The following PUS7 variants were observed in gnomAD, a reference collection of about 807,000 sequenced individuals.
PUS7 encodes pseudouridylate synthase 7 homolog.
A neutral mutation model predicts 79.8 loss-of-function variants in PUS7; 48 were observed. The observed-to-expected ratio is 0.60, with a 90% CI of 0.48 to 0.76. The LOEUF (loss-of-function observed/expected upper bound fraction) is 0.76, where lower values mean the gene tolerates loss of function less well. Ranked by LOEUF, PUS7 falls within the 30% of genes least tolerant of loss-of-function variation. The probability of loss-of-function intolerance (pLI) is 0.00; values close to 1 mark genes in which losing one functional copy is unlikely to be tolerated. For missense variants in PUS7, 729 were observed against 797.6 expected, an observed-to-expected ratio of 0.91 and a Z score of 1.04; for synonymous variants, 286 against 272.2, an observed-to-expected ratio of 1.05 and a Z score of -0.50.
intron 14 of PUS7, among the ~76,000 whole-genome samples, chr7:105,461,932 C>T (rs1289683399): frequency 6.6e-6 from 1 of 152,002 alleles, no homozygotes; most frequent in Non-Finnish European, 1.5e-5. Flanking sequence ...AATCCCAATA[C>T]TTTGGGAGGC....
chr7:105,486,595 G>A (rs1159638025), intron 7 of PUS7, among the ~76,000 whole-genome samples: 1 of 152,124 alleles, frequency 6.6e-6, no homozygotes, highest in Admixed American at 6.6e-5. Flanking sequence ...AGGAACGGGG[G>A]ACAAAACTCC....
At chr7:105,482,127 G>C (rs1442150854) in intron 8 of PUS7, among the ~76,000 whole-genome samples, 185 bp downstream of exon 8, 1 of 152,198 alleles carries the variant, frequency 6.6e-6, no homozygotes, top group African/African-American at 2.4e-5. Flanking sequence ...AAATCCTACA[G>C]AGGTATTTGC....
At chr7:105,476,078 G>A (rs1031280754) in intron 9 of PUS7, among the ~76,000 whole-genome samples, 1 of 147,970 alleles carries the variant, frequency 6.8e-6, no homozygotes, top group African/African-American at 2.5e-5. Flanking sequence ...GGGCTGAGAT[G>A]GCGCCACTGC....
chr7:105,521,132 A>G (rs773077929), intron 1 of PUS7, among the ~76,000 whole-genome samples: 1 of 132,094 alleles, frequency 7.6e-6, no homozygotes, highest in Non-Finnish European at 1.8e-5. Flanking sequence ...CCCCTTTTCA[A>G]TAGTGTTGTA....
intron 5 of PUS7, among the ~76,000 whole-genome samples, chr7:105,496,798 T>G (rs1825054424): frequency 1.3e-5 from 2 of 152,172 alleles, no homozygotes; most frequent in South Asian, 4.1e-4. Context: ...TTGGTGTGAA[T>G]TCCTCACAAG....
At chr7:105,500,913 G>T (rs1361860341) in intron 5 of PUS7, among the ~76,000 whole-genome samples, 2 of 152,174 alleles carry the variant, frequency 1.3e-5, no homozygotes, top group Non-Finnish European at 2.9e-5. Flanking sequence ...TTCGTTTGTG[G>T]AGTAAAAAGT....
chr7:105,464,813 CTTTTT>C (rs71152985), intron 13 of PUS7, among the ~76,000 whole-genome samples: 1 of 95,230 alleles, frequency 1.1e-5, no homozygotes, highest in African/African-American at 3.7e-5. Flanking sequence ...CCCCTCTTCC[CTTTTT>C]TTTTTTTTTT....
At chr7:105,458,252 A>G (rs1018820349) in intron 15 of PUS7, among the ~76,000 whole-genome samples, 2 of 152,132 alleles carry the variant, frequency 1.3e-5, no homozygotes, top group African/African-American at 4.8e-5. Context: ...GAGAATGCCA[A>G]TTTAATTAAT....
chr7:105,508,486 C>A lies in PUS7; in HGVS notation c.27G>T (p.Val9=). Residue 9 remains valine (V), a synonymous_variant, in exon 2 of 16, where the codon GTG becomes GTT. Coordinates refer to ENST00000469408, the MANE Select transcript of PUS7 (RefSeq NM_019042.5). The part of the protein sequence containing the change: MEMTEMTG[V]SLKRGALVVE... The stretch of plus-strand genomic sequence containing the variant: ...CAACCAGTGCCCCACGTTTCAGCGA[C>A]ACACCAGTCATTTCTGTCATCTCCA... 6.2e-7 allele frequency: 1 copy of A among 1,613,522 alleles called. No individual in the cohort carries two copies. The highest frequency in any genetic ancestry group is 1.7e-5 in the Admixed American group (1 of 59,910).
intron 11 of PUS7, 122 bp downstream of exon 11, chr7:105,470,566 G>GATC (rs1823831410): frequency 8.4e-7 from 1 of 1,191,122 alleles, no homozygotes. Flanking sequence ...ACACCTCAGA[G>GATC]ATCACCAAAG....
At chr7:105,501,037 A>G (rs1327148160) in intron 5 of PUS7, among the ~76,000 whole-genome samples, 1 of 152,138 alleles carries the variant, frequency 6.6e-6, no homozygotes, top group Admixed American at 6.5e-5. Flanking sequence ...CTGCTCAGGT[A>G]TCTCATCTCT....
At chr7:105,507,990 C>G in intron 2 of PUS7, 125 bp downstream of exon 2, 2 of 1,281,374 alleles carry the variant, frequency 1.6e-6, no homozygotes, top group East Asian at 5.2e-5. Flanking sequence ...CATCCTATTC[C>G]TTTTGATCAG....
At chr7:105,515,942 T>C (rs998205670) in intron 1 of PUS7, among the ~76,000 whole-genome samples, 1 of 152,084 alleles carries the variant, frequency 6.6e-6, no homozygotes, top group Non-Finnish European at 1.5e-5. Flanking sequence ...CCTGAGTAGC[T>C]GGGATTACAG....
chr7:105,504,657 C>T (rs999262065), intron 4 of PUS7, among the ~76,000 whole-genome samples: 2 of 152,142 alleles, frequency 1.3e-5, no homozygotes, highest in Non-Finnish European at 2.9e-5. Context: ...GTAAATTTTA[C>T]CACATGTATA....
At position 105,457,030 on chromosome 7, in the gene PUS7, C is replaced by T. The variant is rs1191841540; in HGVS notation, c.*760G>A. 1 of 151,936 alleles carries T rather than the reference C, an allele frequency of 6.6e-6. No homozygotes were observed. Among genetic ancestry groups the T allele is most frequent in the Non-Finnish European group, 1.5e-5 (1 of 68,026 alleles). 9.4% of individuals were successfully genotyped at this position (151,936 alleles called of 1,614,324 possible). On this transcript the variant is annotated 3_prime_UTR_variant, in exon 16 of 16. Transcript: ENST00000469408. ...CCTGTACTCCCAGCTACTTAGGAGG[C>T]TGAGGTGGGAGAGTCACTGGAGCCT... is the stretch of plus-strand genomic sequence containing the variant.
intron 4 of PUS7, among the ~76,000 whole-genome samples, chr7:105,504,328 C>T (rs1825372424): frequency 6.6e-6 from 1 of 152,082 alleles, no homozygotes; most frequent in Non-Finnish European, 1.5e-5. Flanking sequence ...ACCTCGGCCT[C>T]CCAAAGTGCT....
At chr7:105,477,257 AT>A (rs199658964) in intron 9 of PUS7, among the ~76,000 whole-genome samples, 9 of 148,810 alleles carry the variant, frequency 6.0e-5, no homozygotes, top group Admixed American at 6.7e-5. Flanking sequence ...TTATTTTATT[AT>A]TTTTTTTTTG....
At chr7:105,469,509 G>T (rs950295921) in intron 11 of PUS7, among the ~76,000 whole-genome samples, 1 of 152,164 alleles carries the variant, frequency 6.6e-6, no homozygotes, top group African/African-American at 2.4e-5. Context: ...GCCCAGGCTG[G>T]AGTGCAATGG....
intron 9 of PUS7, among the ~76,000 whole-genome samples, chr7:105,475,736 C>A (rs1302825426): frequency 6.6e-6 from 1 of 152,066 alleles, no homozygotes; most frequent in African/African-American, 2.4e-5. Flanking sequence ...GTATACAGTT[C>A]TGTGGCATTA....
Sources: allele counts gnomAD v4.1 joint callset (sites outside exome capture counted in the v4.1 genomes callset), GRCh38; gene constraint gnomAD v4.1.1; transcripts MANE v1.5; gene names NCBI Gene and HGNC (gene_info 2026-07-23, HGNC 2026-07-21).